APBA1: variants seen among roughly 807,000 people sequenced by gnomAD.
APBA1 encodes amyloid beta precursor protein binding family A member 1, also known as amyloid-beta A4 precursor protein-binding family A member 1.
APBA1 carries 55 observed loss-of-function variants against 86.6 expected under a neutral mutation model. The ratio of observed to expected loss-of-function variants is 0.64; its 90% CI spans 0.51 to 0.80. The LOEUF is 0.80. Ranked by LOEUF, APBA1 falls within the 30% of genes least tolerant of loss-of-function variation. The pLI is 0.00. For missense variants in APBA1, 1,090 were observed against 1,183.0 expected (o/e 0.92, Z 1.15); for synonymous variants, 511 against 493.9 (o/e 1.03, Z -0.46).
At chr9:69,606,907 TA>T (rs1172584954) in intron 1 of APBA1, among the ~76,000 whole-genome samples, 1 of 152,032 alleles carries the variant, frequency 6.6e-6, no homozygotes, top group Non-Finnish European at 1.5e-5. Flanking sequence ...AAGCAGGTAA[TA>T]AAAAGGCAGA....
intron 2 of APBA1, among the ~76,000 whole-genome samples, chr9:69,505,240 C>T (rs1835939810): frequency 6.6e-6 from 1 of 152,126 alleles, no homozygotes; most frequent in Admixed American, 6.5e-5. Flanking sequence ...GCACAGCCAT[C>T]TTGTGAGGCT....
intron 1 of APBA1, among the ~76,000 whole-genome samples, chr9:69,589,521 T>A: frequency 6.6e-6 from 1 of 152,126 alleles, no homozygotes; most frequent in East Asian, 1.9e-4. Context: ...ATGACAAGAT[T>A]TGGAGCATGA....
chr9:69,576,726 G>A (rs2133952909), intron 1 of APBA1, among the ~76,000 whole-genome samples: 1 of 152,274 alleles, frequency 6.6e-6, no homozygotes, highest in East Asian at 1.9e-4. Flanking sequence ...GGAGCGGGGA[G>A]GGATAGCATT....
At chr9:69,437,112 T>A (rs1834739450) in intron 11 of APBA1, among the ~76,000 whole-genome samples, 1 of 151,876 alleles carries the variant, frequency 6.6e-6, no homozygotes, top group African/African-American at 2.4e-5. Flanking sequence ...CAGCCTTGCA[T>A]CCCAGGGATG....
chr9:69,621,818 G>A (rs1218491343), intron 1 of APBA1, among the ~76,000 whole-genome samples: 1 of 152,186 alleles, frequency 6.6e-6, no homozygotes, highest in Non-Finnish European at 1.5e-5. Context: ...TAAGGCAAAT[G>A]TTTTGTGATC....
At chr9:69,636,105 C>G (rs552128626) in intron 1 of APBA1, among the ~76,000 whole-genome samples, 40 of 152,280 alleles carry the variant, frequency 2.6e-4, no homozygotes, top group African/African-American at 8.7e-4. Context: ...TGACATTTCT[C>G]AAAAGAAGAC....
intron 1 of APBA1, among the ~76,000 whole-genome samples, chr9:69,621,155 C>G (rs529698336): frequency 6.6e-6 from 1 of 152,176 alleles, no homozygotes; most frequent in Non-Finnish European, 1.5e-5. Context: ...TTATTATCAC[C>G]AGTGAAGGGA....
intron 1 of APBA1, among the ~76,000 whole-genome samples, chr9:69,664,251 G>A (rs920639978): frequency 2.0e-5 from 3 of 152,188 alleles, no homozygotes; most frequent in Non-Finnish European, 2.9e-5. Flanking sequence ...ACCAATTGAA[G>A]TAAATATTCC....
intron 1 of APBA1, among the ~76,000 whole-genome samples, chr9:69,618,312 AACC>A (rs1283186934): frequency 3.9e-5 from 6 of 152,200 alleles, no homozygotes; most frequent in African/African-American, 1.4e-4. Flanking sequence ...CTTTTCTAGG[AACC>A]ACTCAGCTTC....
At chr9:69,608,249 G>C (rs755326421) in intron 1 of APBA1, among the ~76,000 whole-genome samples, 11 of 152,164 alleles carry the variant, frequency 7.2e-5, no homozygotes, top group Non-Finnish European at 1.5e-4. Flanking sequence ...TGCAAACTCA[G>C]TCATAACATA....
At chr9:69,607,707 C>A (rs1310860714) in intron 1 of APBA1, among the ~76,000 whole-genome samples, 4 of 152,100 alleles carry the variant, frequency 2.6e-5, no homozygotes, top group Non-Finnish European at 4.4e-5. Flanking sequence ...TGGGCAAAAA[C>A]CAGTCCGTTT....
chr9:69,617,670 C>T (rs1822730259), intron 1 of APBA1, among the ~76,000 whole-genome samples: 1 of 152,056 alleles, frequency 6.6e-6, no homozygotes, highest in Non-Finnish European at 1.5e-5. Flanking sequence ...TTCATTCTCC[C>T]CAGATCTCTA....
chr9:69,462,900 A>C (rs1835213429), intron 5 of APBA1: 1 of 152,162 alleles, frequency 6.6e-6, no homozygotes, highest in Non-Finnish European at 1.5e-5. Context: ...TTGGGCCTGA[A>C]AACCTGTACT....
chr9:69,579,404 G>A (rs1021911634), intron 1 of APBA1, among the ~76,000 whole-genome samples: 2 of 152,126 alleles, frequency 1.3e-5, no homozygotes, highest in Non-Finnish European at 2.9e-5. Flanking sequence ...TGCTTTATGC[G>A]GACTTTAACT....
intron 1 of APBA1, among the ~76,000 whole-genome samples, chr9:69,639,352 A>T (rs899803508): frequency 6.6e-6 from 1 of 152,198 alleles, no homozygotes; most frequent in African/African-American, 2.4e-5. Context: ...GCAACCTAGT[A>T]GTCCCAATAG....
intron 1 of APBA1, among the ~76,000 whole-genome samples, chr9:69,549,476 C>T (rs1836751237): frequency 6.6e-6 from 1 of 152,172 alleles, no homozygotes; most frequent in Admixed American, 6.5e-5. Context: ...CCACATATTT[C>T]ACTTTTTGCC....
chr9:69,502,566 G>A (rs1483214105), intron 2 of APBA1, among the ~76,000 whole-genome samples: 4 of 151,864 alleles, frequency 2.6e-5, no homozygotes, highest in Non-Finnish European at 5.9e-5. Context: ...ATAGAAAAAC[G>A]TCTCATTTTG....
At chr9:69,533,553 A>G (rs1021187178) in intron 1 of APBA1, among the ~76,000 whole-genome samples, 2 of 152,040 alleles carry the variant, frequency 1.3e-5, no homozygotes, top group African/African-American at 2.4e-5. Flanking sequence ...TTCTCACCAC[A>G]TTTCAGGTTT....
intron 2 of APBA1, among the ~76,000 whole-genome samples, chr9:69,486,378 G>A (rs1321003721): frequency 6.6e-6 from 1 of 152,102 alleles, no homozygotes; most frequent in Non-Finnish European, 1.5e-5. Context: ...ACCACCACAA[G>A]TCATTATTAT....
Sources: allele counts gnomAD v4.1 joint callset (sites outside exome capture counted in the v4.1 genomes callset), GRCh38; gene constraint gnomAD v4.1.1; transcripts MANE v1.5; gene names NCBI Gene and HGNC (gene_info 2026-07-23, HGNC 2026-07-21).